Variants in ADAM19 observed in about 807,000 individuals in gnomAD.
The protein encoded by ADAM19 is ADAM metallopeptidase domain 19.
In ADAM19, 65 loss-of-function variants were observed where a neutral mutation model predicts 114.7. The observed-to-expected ratio is 0.57, with a 90% CI of 0.46 to 0.70. ADAM19 has a LOEUF of 0.70. Ranked by LOEUF, ADAM19 falls within the 30% of genes least tolerant of loss-of-function variation. The pLI, the probability that ADAM19 is intolerant of heterozygous loss-of-function variation, is 0.00. For synonymous variants in ADAM19, 466 were observed against 460.5 expected, an observed-to-expected ratio of 1.01 and a Z score of -0.15; for missense variants, 1,063 against 1,204.7, an observed-to-expected ratio of 0.88 and a Z score of 1.74.
intron 5 of ADAM19, among the ~76,000 whole-genome samples, chr5:157,530,086 A>C (rs1461567607): frequency 1.3e-5 from 2 of 152,192 alleles, no homozygotes; most frequent in African/African-American, 4.8e-5. Flanking sequence ...TTTCTTTGAC[A>C]TCTGGGTCTT....
intron 3 of ADAM19, among the ~76,000 whole-genome samples, chr5:157,543,343 A>C (rs1363618): frequency 0.2 from 30,141 of 152,198 alleles, 2,971 homozygotes; most frequent in South Asian, 0.25. Context: ...TCAGTATCAC[A>C]GCGATGCTGA....
chr5:157,491,797 G>A (rs760195529), intron 17 of ADAM19, 38 bp downstream of exon 17: 26 of 1,613,042 alleles, frequency 1.6e-5, no homozygotes, highest in East Asian at 6.7e-5. Flanking sequence ...CCCTCATGAC[G>A]TCCCCATGAC....
At chr5:157,509,576 TA>T in intron 8 of ADAM19, 109 bp from the exon 9 acceptor site, 1 of 855,840 alleles carries the variant, frequency 1.2e-6, no homozygotes, top group Non-Finnish European at 1.6e-6. Context: ...AAACTAAAAC[TA>T]AAAAATAAAA....
chr5:157,572,287 C>T, intron 1 of ADAM19: 1 of 456,100 alleles, frequency 2.2e-6, no homozygotes, highest in South Asian at 1.6e-5. Context: ...TGGGAGGAGT[C>T]CTGTTTTGCA....
In ADAM19 at chr5:157,481,897, G is replaced by C. The variant is rs752292916; in HGVS notation, c.2597C>G (p.Pro866Arg). The C allele has an allele frequency of 1.2e-6, 2 of 1,604,728 alleles. No homozygotes were observed. Among genetic ancestry groups the C allele is most frequent in the South Asian group, 2.2e-5 (2 of 89,020 alleles). The change falls in exon 22 of 23, where the codon CCA becomes CGA. Residue 866 changes from proline (P) to arginine (R), a missense_variant. Transcript: ENST00000257527. ...GGGGAGGCTCCTGCGGCCTGGCACT[G>C]GGTTTGCCGGGAGTGCCTTCTGGGG... ...RPPQKALPAN[P>R]VPGRRSLPRP...
chr5:157,575,681 C>T lies in ADAM19; in HGVS notation c.16G>A (p.Gly6Ser). ...GCCAGCAAGCAGAGCCGGGCGGCGCCTGCGCCCCCTGGCATGGTGGCGGCG... is the reference window on the plus strand; with the variant it reads ...GCCAGCAAGCAGAGCCGGGCGGCGCTTGCGCCCCCTGGCATGGTGGCGGCG... MPGGA[G>S]AARLCLLAFA... Residue 6 changes from glycine (G) to serine (S), a missense_variant, in exon 1 of 23, where the codon GGC becomes AGC. Physicochemically the swap from Gly to Ser is moderately conservative, Grantham distance 56 (BLOSUM62 0). Coordinates refer to ENST00000257527, the MANE Select transcript of ADAM19 (RefSeq NM_033274.5). The T allele has an allele frequency of 7.4e-7, 1 of 1,344,434 alleles. No homozygotes were observed. The highest frequency in any genetic ancestry group is 9.5e-7 in the Non-Finnish European group (1 of 1,054,614). The allele number at this position is 1,344,434 out of a possible 1,614,324, so 83.3% of individuals were successfully genotyped here.
chr5:157,563,326 A>G (rs1757563616), intron 3 of ADAM19, among the ~76,000 whole-genome samples: 1 of 152,190 alleles, frequency 6.6e-6, no homozygotes, highest in African/African-American at 2.4e-5. Context: ...ACCACTGCAC[A>G]AGCTGTGAGT....
Position 157,488,292 on chromosome 5 carries a change from G to A in ADAM19, c.2523C>T (p.Pro841=). 1 of 1,614,032 alleles carries A rather than the reference G, an allele frequency of 6.2e-7. No homozygotes were observed. Among genetic ancestry groups the A allele is most frequent in the Non-Finnish European group, 8.5e-7 (1 of 1,179,894 alleles). ...SRRPPPSRPI[P]PAPNCIVSQD... ...GGGAAACGATGCAATTTGGTGCGGG[G>A]GGAATTGGCCGGCTTGGAGGAGGCC... The change falls in exon 21 of 23, where the codon CCC becomes CCT. Residue 841 remains proline, a synonymous_variant. Coordinates refer to ENST00000257527, the MANE Select transcript of ADAM19 (RefSeq NM_033274.5).
At position 157,481,797 on chromosome 5, in the gene ADAM19, G is replaced by A; in HGVS notation, c.2697C>T (p.Ala899=). The change falls in exon 22 of 23, where the codon GCC becomes GCT. Residue 899 remains alanine, a synonymous_variant. Coordinates refer to ENST00000257527, the MANE Select transcript of ADAM19 (RefSeq NM_033274.5). The stretch of plus-strand genomic sequence containing the variant: ...GGGCTTCCCGTGGACTCACCTTTGG[G>A]GCAAGTGCTGCCAGAGGCCGGGACT... ...PQQSRPLAAL[A]PKFPEYRSQR... is the part of the protein sequence containing the mutation. 3 of 1,572,566 alleles carry A rather than the reference G, an allele frequency of 1.9e-6. No homozygotes were observed. Among genetic ancestry groups the A allele is most frequent in the Non-Finnish European group, 1.7e-6 (2 of 1,157,746 alleles).
At chr5:157,520,785 C>T (rs1304007733) in intron 5 of ADAM19, among the ~76,000 whole-genome samples, 1 of 152,196 alleles carries the variant, frequency 6.6e-6, no homozygotes, top group African/African-American at 2.4e-5. Context: ...GTGACATCCA[C>T]CACCAAGCAT....
At chr5:157,574,991 G>A (rs1757933380) in intron 1 of ADAM19, among the ~76,000 whole-genome samples, 1 of 152,220 alleles carries the variant, frequency 6.6e-6, no homozygotes, top group Non-Finnish European at 1.5e-5. Context: ...CCCCATCTGT[G>A]AAATGGGTGC....
intron 21 of ADAM19, among the ~76,000 whole-genome samples, chr5:157,485,906 C>T (rs1754916516): frequency 6.6e-6 from 1 of 152,256 alleles, no homozygotes; most frequent in South Asian, 2.1e-4. Context: ...TGCAGTGACA[C>T]ATATCCCAGA....
At chr5:157,497,144 T>C (rs994992404) in intron 13 of ADAM19, 55 bp from the exon 14 acceptor site, 2 of 1,416,322 alleles carry the variant, frequency 1.4e-6, no homozygotes, top group Non-Finnish European at 1.8e-6. Flanking sequence ...CCCTCAACCC[T>C]GTTGCCCAAG....
chr5:157,507,360 C>T (rs1755778184), intron 9 of ADAM19, among the ~76,000 whole-genome samples: 1 of 152,214 alleles, frequency 6.6e-6, no homozygotes, highest in South Asian at 2.1e-4. Context: ...CAGAGGAACA[C>T]AAAGAGAGAG....
intron 1 of ADAM19, chr5:157,572,237 C>G (rs1206204238): frequency 2.2e-6 from 1 of 454,850 alleles, no homozygotes; most frequent in Non-Finnish European, 4.4e-6. Context: ...AGGCACCCGC[C>G]ACCACACCCG....
At chr5:157,572,279 G>T (rs1441510027) in intron 1 of ADAM19, 2 of 456,284 alleles carry the variant, frequency 4.4e-6, no homozygotes, top group Admixed American at 4.7e-5. Flanking sequence ...CTAGAGACTG[G>T]GAGGAGTCCT....
chr5:157,526,647 G>T (rs983111799), intron 5 of ADAM19, among the ~76,000 whole-genome samples: 2 of 151,472 alleles, frequency 1.3e-5, no homozygotes, highest in African/African-American at 2.4e-5. Flanking sequence ...TTGAGATGGG[G>T]TCTTGCTTTG....
intron 3 of ADAM19, among the ~76,000 whole-genome samples, chr5:157,539,939 C>T (rs942401834): frequency 6.6e-6 from 1 of 152,222 alleles, no homozygotes; most frequent in African/African-American, 2.4e-5. Context: ...CAGCTTAGAG[C>T]ATGGTCTGGA....
At position 157,497,019 on chromosome 5, in the gene ADAM19, T is replaced by C; in HGVS notation, c.1469A>G (p.Lys490Arg). The change falls in exon 14 of 23, where the codon AAG becomes AGG. Residue 490 changes from lysine to arginine, a missense_variant. Lys to Arg is a conservative substitution (Grantham distance 26). Coordinates refer to ENST00000257527, the MANE Select transcript of ADAM19 (RefSeq NM_033274.5). ...GAAGTTGGTAGGGCAGTGGGGAGAC[T>C]TGCCCGTACAGAACTCCGGGAGGTC... is the stretch of plus-strand genomic sequence containing the variant. ...QCDLPEFCTGKSPHCPTNFYQ... is the reference protein window; with the variant it reads ...QCDLPEFCTGRSPHCPTNFYQ... The C allele has an allele frequency of 6.3e-7, 1 of 1,589,530 alleles. No individual in the cohort carries two copies. Among genetic ancestry groups the C allele is most frequent in the Non-Finnish European group, 8.5e-7 (1 of 1,169,802 alleles).
Sources: allele counts gnomAD v4.1 joint callset (sites outside exome capture counted in the v4.1 genomes callset), GRCh38; gene constraint gnomAD v4.1.1; transcripts MANE v1.5; gene names NCBI Gene and HGNC (gene_info 2026-07-23, HGNC 2026-07-21).